Variants in ZNF267 observed in about 807,000 individuals in gnomAD.
ZNF267 encodes the protein zinc finger (C2H2).
ZNF267 carries 61 observed loss-of-function variants against 71.6 expected under a neutral mutation model. That is an observed-to-expected ratio of 0.85 (90% CI 0.69 to 1.05). The LOEUF is 1.05. Ranked by LOEUF, ZNF267 falls within the 50% of genes least tolerant of loss-of-function variation. The probability of loss-of-function intolerance (pLI) is 0.00; values close to 1 mark genes in which losing one functional copy is unlikely to be tolerated. For missense variants in ZNF267, 852 were observed against 870.0 expected (o/e 0.98, Z 0.26); for synonymous variants, 288 against 293.2 (o/e 0.98, Z 0.18).
chr16:31,895,128 C>A, intron 3 of ZNF267: 1 of 188,076 alleles, frequency 5.3e-6, no homozygotes, highest in South Asian at 1.0e-4. Context: ...GATGAGGAGG[C>A]TCTGCAGTGT....
intron 3 of ZNF267, among the ~76,000 whole-genome samples, chr16:31,901,009 T>C (rs2084036637): frequency 6.6e-6 from 1 of 152,016 alleles, no homozygotes; most frequent in African/African-American, 2.4e-5. Flanking sequence ...GTCCATGTGT[T>C]CTCTTTGTTC....
chr16:31,879,201 A>C lies in ZNF267; in HGVS notation c.3+5232A>C, dbSNP rs564351677. Among the ~76,000 whole-genome samples the C allele has an allele frequency of 2.6e-5, 4 of 152,348 alleles. No homozygotes were observed. In the South Asian group the frequency reaches 6.2e-4, roughly 24 times the overall value. ...TTGCAAATCTGCCTGTCATAAAGAC[A>C]TGAAGTTTATTTTTCCTTTGACTAT... is the stretch of plus-strand genomic sequence containing the variant. On this transcript the variant is annotated intron_variant, in intron 1 of 3. Transcript: ENST00000300870.
intron 3 of ZNF267, among the ~76,000 whole-genome samples, chr16:31,906,534 G>A (rs2142356801): frequency 6.6e-6 from 1 of 152,310 alleles, no homozygotes; most frequent in Admixed American, 6.5e-5. Flanking sequence ...AGACTGCTGT[G>A]CCAGCAATCA....
chr16:31,909,516 A>G (rs1235146246), intron 3 of ZNF267, among the ~76,000 whole-genome samples: 1 of 152,134 alleles, frequency 6.6e-6, no homozygotes, highest in Non-Finnish European at 1.5e-5. Flanking sequence ...ATGTCTAGGT[A>G]TTTAATTTTA....
intron 3 of ZNF267, among the ~76,000 whole-genome samples, chr16:31,896,256 C>T (rs1034652991): frequency 6.6e-6 from 1 of 152,176 alleles, no homozygotes; most frequent in African/African-American, 2.4e-5. Context: ...AAATGATTCT[C>T]CCACCTTGGC....
At chr16:31,874,181 A>T in intron 1 of ZNF267, 1 of 520,724 alleles carries the variant, frequency 1.9e-6, no homozygotes, top group South Asian at 2.6e-5. Context: ...TCCCATCCCG[A>T]CCCCGCAGAG....
At chr16:31,892,437 A>T (rs561418276) in intron 3 of ZNF267, among the ~76,000 whole-genome samples, 1 of 152,304 alleles carries the variant, frequency 6.6e-6, no homozygotes, top group East Asian at 1.9e-4. Context: ...CCTCTCCCAA[A>T]TCTCATGTCC....
chr16:31,912,433 T>C (rs564819247), intron 3 of ZNF267: 1 of 151,890 alleles, frequency 6.6e-6, no homozygotes, highest in South Asian at 2.1e-4. Context: ...AGTTTCATTG[T>C]ATGCTGTTTC....
intron 3 of ZNF267, chr16:31,894,610 A>T (rs964074664): frequency 4.1e-5 from 20 of 486,028 alleles, no homozygotes; most frequent in South Asian, 3.2e-4. Flanking sequence ...TAATGACTTC[A>T]GTGCTTTCAG....
Position 31,915,845 on chromosome 16 carries a change from CT to C in ZNF267, c.1597del (p.Ser533GlnfsTer232). ...KVCAKPFTCF[S>X]NLIVHERIHT... Reference sequence around the variant, plus strand: ...TATGTGCTAAACCTTTTACTTGTTTCTCAAATCTTATTGTGCATGAGAGAAT... The same window carrying C: ...TATGTGCTAAACCTTTTACTTGTTTCCAAATCTTATTGTGCATGAGAGAAT... On this transcript the variant is annotated frameshift_variant, in exon 4 of 4. Coordinates refer to ENST00000300870, the MANE Select transcript of ZNF267 (RefSeq NM_003414.6). LOFTEE classifies it high-confidence loss of function. 1.2e-6 allele frequency: 2 copies of C among 1,613,320 alleles called. No individual in the cohort carries two copies. The highest frequency in any genetic ancestry group is 3.3e-5 in the Admixed American group (2 of 59,976).
At position 31,915,845 on chromosome 16, in the gene ZNF267, C is replaced by G. The variant is rs1366498090; in HGVS notation, c.1596C>G (p.Phe532Leu). 1 of 1,613,320 alleles carries G rather than the reference C, an allele frequency of 6.2e-7. No homozygotes were observed. The highest frequency in any genetic ancestry group is 1.1e-5 in the South Asian group (1 of 91,048). ...TATGTGCTAAACCTTTTACTTGTTT[C>G]TCAAATCTTATTGTGCATGAGAGAA... is the stretch of plus-strand genomic sequence containing the variant. ...CKVCAKPFTC[F>L]SNLIVHERIH... is the part of the protein sequence containing the mutation. The change falls in exon 4 of 4, where the codon TTC becomes TTG. Residue 532 changes from phenylalanine to leucine, a missense_variant. Phe to Leu is a conservative substitution (Grantham distance 22, BLOSUM62 0). Coordinates refer to ENST00000300870, the MANE Select transcript of ZNF267 (RefSeq NM_003414.6).
intron 3 of ZNF267, among the ~76,000 whole-genome samples, chr16:31,903,836 A>G (rs1323002362): frequency 6.6e-5 from 10 of 151,826 alleles, no homozygotes; most frequent in African/African-American, 2.2e-4. Flanking sequence ...TAGCTTTTGA[A>G]TGTGTTTGCT....
chr16:31,882,875 A>G (rs2083899677), intron 1 of ZNF267, among the ~76,000 whole-genome samples: 1 of 152,184 alleles, frequency 6.6e-6, no homozygotes, highest in Non-Finnish European at 1.5e-5. Flanking sequence ...TCTCTTTGTA[A>G]TGAGTATCTA....
chr16:31,897,672 A>G (rs1191380954), intron 3 of ZNF267, among the ~76,000 whole-genome samples: 1 of 152,146 alleles, frequency 6.6e-6, no homozygotes, highest in Non-Finnish European at 1.5e-5. Flanking sequence ...TTGAATCTGT[A>G]AATCACCTTG....
chr16:31,890,437 GGTT>G (rs1190342776), intron 3 of ZNF267, among the ~76,000 whole-genome samples: 2 of 152,076 alleles, frequency 1.3e-5, no homozygotes, highest in Non-Finnish European at 2.9e-5. Flanking sequence ...CCTGATTTTT[GGTT>G]GTTGTTTGCA....
chr16:31,904,123 C>A (rs2084066346), intron 3 of ZNF267, among the ~76,000 whole-genome samples: 1 of 152,186 alleles, frequency 6.6e-6, no homozygotes, highest in Non-Finnish European at 1.5e-5. Flanking sequence ...ATCCTGAGTT[C>A]TAGTTGGATT....
At chr16:31,875,473 G>A (rs1249328738) in intron 1 of ZNF267, among the ~76,000 whole-genome samples, 1 of 152,140 alleles carries the variant, frequency 6.6e-6, no homozygotes, top group Non-Finnish European at 1.5e-5. Flanking sequence ...ATCGTTTGCT[G>A]GTATTGAGGG....
chr16:31,902,436 T>G (rs1317785882), intron 3 of ZNF267, among the ~76,000 whole-genome samples: 1 of 152,214 alleles, frequency 6.6e-6, no homozygotes, highest in Admixed American at 6.5e-5. Context: ...GCATGGAATG[T>G]TCTTCCATTT....
chr16:31,890,561 T>TA (rs2083953413), intron 3 of ZNF267, among the ~76,000 whole-genome samples: 1 of 152,254 alleles, frequency 6.6e-6, no homozygotes, highest in Non-Finnish European at 1.5e-5. Flanking sequence ...ACTCTGTGTT[T>TA]ATTCTAGTCT....
Sources: allele counts gnomAD v4.1 joint callset (sites outside exome capture counted in the v4.1 genomes callset), GRCh38; gene constraint gnomAD v4.1.1; transcripts MANE v1.5; gene names NCBI Gene and HGNC (gene_info 2026-07-23, HGNC 2026-07-21).